Variants in CPM observed in about 807,000 individuals in gnomAD.
CPM encodes the protein carboxypeptidase M.
In CPM, 35 loss-of-function variants were observed where a neutral mutation model predicts 46.4. The ratio of observed to expected loss-of-function variants is 0.75; its 90% CI spans 0.58 to 1.00. CPM has a LOEUF of 1.00. Ranked by LOEUF, CPM falls within the 50% of genes least tolerant of loss-of-function variation. CPM has a pLI of 0.00. For synonymous variants in CPM, 195 were observed against 195.3 expected, an observed-to-expected ratio of 1.00 and a Z score of 0.01; for missense variants, 422 against 530.4, an observed-to-expected ratio of 0.80 and a Z score of 2.01.
At chr12:68,902,459 G>A (rs1446527960) in intron 2 of CPM, among the ~76,000 whole-genome samples, 1 of 152,100 alleles carries the variant, frequency 6.6e-6, no homozygotes, top group African/African-American at 2.4e-5. Flanking sequence ...ACTAATTGAG[G>A]GGCATAATAA....
At chr12:68,909,375 T>C (rs555865262) in intron 2 of CPM, among the ~76,000 whole-genome samples, 2 of 145,980 alleles carry the variant, frequency 1.4e-5, no homozygotes, top group South Asian at 2.1e-4. Flanking sequence ...AAAATGGAGA[T>C]TTTTTTTTTC....
chr12:68,957,111 T>C (rs1377898265), intron 1 of CPM, among the ~76,000 whole-genome samples: 3 of 152,180 alleles, frequency 2.0e-5, no homozygotes, highest in Non-Finnish European at 1.5e-5. Context: ...TTTATTCCTT[T>C]ATTTGTAAAA....
intron 5 of CPM, chr12:68,845,086 T>C (rs2136193112): frequency 4.6e-6 from 1 of 218,906 alleles, no homozygotes; most frequent in South Asian, 1.9e-4. Flanking sequence ...GTTTTAAAGA[T>C]AATTAGTGTG....
chr12:68,916,838 G>A (rs146558248), intron 2 of CPM, among the ~76,000 whole-genome samples: 10,112 of 149,790 alleles, frequency 0.068, 734 homozygotes, highest in African/African-American at 0.17. Context: ...CAGTGAGCTG[G>A]GATCGCACCA....
At chr12:68,875,953 A>C (rs1246228856) in intron 3 of CPM, among the ~76,000 whole-genome samples, 1 of 152,148 alleles carries the variant, frequency 6.6e-6, no homozygotes, top group Non-Finnish European at 1.5e-5. Flanking sequence ...CATATGAGAC[A>C]TTTTATTTTA....
At chr12:68,911,435 T>C (rs906781339) in intron 2 of CPM, among the ~76,000 whole-genome samples, 16 of 152,232 alleles carry the variant, frequency 1.1e-4, no homozygotes, top group Non-Finnish European at 1.2e-4. Context: ...CTTTGTGGCC[T>C]TGGGCAAGTT....
At chr12:68,892,835 CT>C (rs1253544431) in intron 2 of CPM, among the ~76,000 whole-genome samples, 3 of 151,978 alleles carry the variant, frequency 2.0e-5, no homozygotes, top group African/African-American at 7.3e-5. Context: ...AAAAGCAAAA[CT>C]CGTCTCAAAA....
chr12:68,869,013 C>T (rs538435488), intron 6 of CPM, among the ~76,000 whole-genome samples: 47 of 152,284 alleles, frequency 3.1e-4, no homozygotes, highest in African/African-American at 1.1e-3. Context: ...TACTTATCTG[C>T]GTGTCTGTCT....
chr12:68,882,445 T>A (rs958347539), intron 3 of CPM, among the ~76,000 whole-genome samples: 6 of 152,322 alleles, frequency 3.9e-5, no homozygotes, highest in Admixed American at 3.3e-4. Flanking sequence ...ATATGTACCA[T>A]GTTTTCTTTA....
chr12:68,913,957 A>G (rs561781235), intron 2 of CPM: 53 of 719,440 alleles, frequency 7.4e-5, no homozygotes, highest in Non-Finnish European at 1.2e-4. Context: ...ACAGAATATC[A>G]AATTTGTGTT....
chr12:68,961,384 G>A (rs1028060975), intron 1 of CPM, among the ~76,000 whole-genome samples: 2 of 152,012 alleles, frequency 1.3e-5, no homozygotes, highest in African/African-American at 2.4e-5. Context: ...GGCTCGAGTG[G>A]TCCACCTGCC....
chr12:68,844,082 A>G (rs547418677), intron 5 of CPM: 1 of 206,646 alleles, frequency 4.8e-6, no homozygotes, highest in Admixed American at 5.9e-5. Flanking sequence ...TACAAAATTT[A>G]AATCTGCAAA....
At chr12:68,957,093 A>T (rs1469589242) in intron 1 of CPM, among the ~76,000 whole-genome samples, 7 of 152,220 alleles carry the variant, frequency 4.6e-5, no homozygotes, top group Non-Finnish European at 1.5e-5. Flanking sequence ...ACATCATCTT[A>T]TCTGGGTTTT....
intron 2 of CPM, among the ~76,000 whole-genome samples, chr12:68,906,381 T>C (rs1476658899): frequency 6.6e-6 from 1 of 152,146 alleles, no homozygotes; most frequent in Non-Finnish European, 1.5e-5. Context: ...AAGAAAAAAC[T>C]CTTCAGTGAA....
At chr12:68,902,205 T>C (rs1445678000) in intron 2 of CPM, among the ~76,000 whole-genome samples, 1 of 152,194 alleles carries the variant, frequency 6.6e-6, no homozygotes, top group Non-Finnish European at 1.5e-5. Context: ...ACTATCATTC[T>C]ACATAATTTA....
intron 4 of CPM, 62 bp downstream of exon 4, chr12:68,871,722 T>G: frequency 1.3e-6 from 2 of 1,563,554 alleles, no homozygotes; most frequent in East Asian, 2.2e-5. Flanking sequence ...GGCCAACAGG[T>G]GCCTGTCGGG....
chr12:68,880,340 C>G (rs1370431747), intron 3 of CPM, among the ~76,000 whole-genome samples: 1 of 152,100 alleles, frequency 6.6e-6, no homozygotes, highest in South Asian at 2.1e-4. Context: ...AGGCTCACCA[C>G]GAGTGCTATG....
Position 68,891,986 on chromosome 12 carries a change from C to T in CPM, c.161-6097G>A, listed in dbSNP as rs540793376. On this transcript the variant is annotated intron_variant, in intron 2 of 8. Coordinates refer to ENST00000551568, the MANE Select transcript of CPM (RefSeq NM_198320.5). ...TCCTGACCTCAAGTGATCTGCCCAC[C>T]TTGGCCTCCCAAAGTGCTGGGATTA... Among the ~76,000 whole-genome samples the T allele has an allele frequency of 6.6e-5, 10 of 152,294 alleles. No homozygotes were observed. In the East Asian group the frequency reaches 1.7e-3, roughly 26 times the overall value.
intron 2 of CPM, among the ~76,000 whole-genome samples, chr12:68,911,746 G>A (rs889534497): frequency 2.6e-5 from 4 of 152,032 alleles, no homozygotes; most frequent in African/African-American, 4.8e-5. Flanking sequence ...TAGCCCTCTC[G>A]ACAACCTACG....
Sources: allele counts gnomAD v4.1 joint callset (sites outside exome capture counted in the v4.1 genomes callset), GRCh38; gene constraint gnomAD v4.1.1; transcripts MANE v1.5; gene names NCBI Gene and HGNC (gene_info 2026-07-23, HGNC 2026-07-21).